The following TCEA3 variants were observed in gnomAD, a reference collection of about 807,000 sequenced individuals.
The protein encoded by TCEA3 is transcription elongation factor A protein 3.
Under a neutral mutation model 44.0 loss-of-function variants are expected in TCEA3, and 36 were observed. The observed-to-expected ratio is 0.82, with a 90% CI of 0.63 to 1.08. The LOEUF (loss-of-function observed/expected upper bound fraction) is 1.08, where lower values mean the gene tolerates loss of function less well. Ranked by LOEUF, TCEA3 falls within the 50% of genes least tolerant of loss-of-function variation. TCEA3 has a pLI of 0.00. For missense variants in TCEA3, 392 were observed against 441.2 expected (o/e 0.89, Z 1.00); for synonymous variants, 162 against 159.7 (o/e 1.01, Z -0.11).
At chr1:23,400,813 G>A (rs1639376232) in intron 5 of TCEA3, among the ~76,000 whole-genome samples, 1 of 152,140 alleles carries the variant, frequency 6.6e-6, no homozygotes, top group Non-Finnish European at 1.5e-5. Context: ...CACTCCAGGA[G>A]GCACCATTTA....
chr1:23,410,364 G>T (rs1238794211), intron 4 of TCEA3, among the ~76,000 whole-genome samples: 2 of 151,990 alleles, frequency 1.3e-5, no homozygotes, highest in South Asian at 4.1e-4. Context: ...GAAATACTCC[G>T]CAGTTATTGC....
chr1:23,407,546 C>A (rs1220606375), intron 5 of TCEA3, among the ~76,000 whole-genome samples: 2 of 152,084 alleles, frequency 1.3e-5, no homozygotes, highest in Non-Finnish European at 2.9e-5. Flanking sequence ...CTTGGAATGA[C>A]CCCAGTATCT....
intron 3 of TCEA3, 139 bp downstream of exon 3, chr1:23,417,765 C>T: frequency 1.3e-6 from 1 of 769,798 alleles, no homozygotes; most frequent in Non-Finnish European, 2.1e-6. Flanking sequence ...CCACTAGCTA[C>T]CTCCCGGATC....
intron 5 of TCEA3, among the ~76,000 whole-genome samples, chr1:23,408,214 G>A (rs1460586386): frequency 1.3e-5 from 2 of 152,012 alleles, no homozygotes; most frequent in South Asian, 2.1e-4. Context: ...CGCCTGCCTC[G>A]GCCTTCCAAA....
intron 7 of TCEA3, among the ~76,000 whole-genome samples, chr1:23,396,601 T>C (rs1186804057): frequency 1.3e-5 from 2 of 152,034 alleles, no homozygotes; most frequent in African/African-American, 4.8e-5. Flanking sequence ...TCCTCATCTG[T>C]AAAATGGGAA....
chr1:23,384,520 T>C (rs1047150487), intron 9 of TCEA3, 103 bp from the exon 10 acceptor site: 1 of 1,213,628 alleles, frequency 8.2e-7, no homozygotes, highest in African/African-American at 1.5e-5. Context: ...AGGTTGGCAC[T>C]GAGATTCCCA....
chr1:23,389,304 A>G (rs1253226446), intron 8 of TCEA3, among the ~76,000 whole-genome samples: 6 of 152,138 alleles, frequency 3.9e-5, no homozygotes, highest in African/African-American at 1.4e-4. Context: ...CCAGGTCAAC[A>G]TGGTGAAACC....
rs71023208 is a variant in TCEA3, at chr1:23,389,487, CA to C, written c.820-2069del. ...CTGGGCAACAACAGCGAGATTCCAT[CA>C]AAAAAAAAAAAAAAGCCAGGCATTG... On this transcript the variant is annotated intron_variant, in intron 8 of 10. Coordinates refer to ENST00000450454, the MANE Select transcript of TCEA3 (RefSeq NM_003196.3). 1.9e-3 allele frequency among the ~76,000 whole-genome samples: 265 copies of C among 141,334 alleles called. 1 individual carries two copies. The highest frequency in any genetic ancestry group is 8.2e-3 in the East Asian group (40 of 4,904). The allele number at this position is 141,334 out of a possible 152,430, so 92.7% of individuals were successfully genotyped here.
intron 1 of TCEA3, among the ~76,000 whole-genome samples, chr1:23,420,871 C>A (rs1640043533): frequency 1.3e-5 from 2 of 152,182 alleles, no homozygotes; most frequent in African/African-American, 2.4e-5. Context: ...TTTCCCCCAG[C>A]CCCTTCCTAG....
intron 7 of TCEA3, among the ~76,000 whole-genome samples, chr1:23,395,101 G>T (rs554628590): frequency 2.1e-4 from 32 of 152,370 alleles, no homozygotes; most frequent in Non-Finnish European, 4.3e-4. Context: ...GGTGGGAGGG[G>T]AGGTGGTATT....
At chr1:23,421,965 G>C (rs1229483402) in intron 1 of TCEA3, among the ~76,000 whole-genome samples, 15 of 152,132 alleles carry the variant, frequency 9.9e-5, no homozygotes, top group Admixed American at 9.8e-4. Flanking sequence ...ATTGTAGCTG[G>C]ATAAACAAAG....
chr1:23,408,807 G>A, intron 4 of TCEA3, 81 bp from the exon 5 acceptor site: 1 of 1,373,894 alleles, frequency 7.3e-7, no homozygotes, highest in Non-Finnish European at 1.0e-6. Context: ...AAGCATCCTG[G>A]GAAAAGGCCA....
intron 4 of TCEA3, among the ~76,000 whole-genome samples, chr1:23,414,336 C>T (rs1310217833): frequency 2.6e-5 from 4 of 151,562 alleles, no homozygotes; most frequent in Non-Finnish European, 5.9e-5. Flanking sequence ...ATGATCTGCC[C>T]GCCTCAGCCT....
rs371704043 is a variant in TCEA3 at position 23,394,003 on chromosome 1, A to G, written c.695T>C (p.Met232Thr). ...GCTGCGCACGCGGTTCCGGTACTTC[A>G]TGTCCGTGCTCTTGAGCTCTTGGTA... The part of the protein sequence containing the change: ...HIYQELKSTD[M>T]KYRNRVRSRI... Residue 232 changes from methionine (M) to threonine (T), a missense_variant, in exon 8 of 11, where the codon ATG becomes ACG. By Grantham distance (81) the Met-to-Thr change is moderately conservative. Coordinates refer to ENST00000450454, the MANE Select transcript of TCEA3 (RefSeq NM_003196.3). 5.5e-5 allele frequency: 89 copies of G among 1,613,868 alleles called. No homozygotes were observed. The highest frequency in any genetic ancestry group is 6.7e-5 in the Non-Finnish European group (79 of 1,179,890).
chr1:23,414,989 CTT>C (rs1639844579), intron 4 of TCEA3, among the ~76,000 whole-genome samples: 1 of 147,142 alleles, frequency 6.8e-6, no homozygotes, highest in Admixed American at 6.8e-5. Context: ...TCATACAGGC[CTT>C]TAAAAGAAAT....
chr1:23,422,017 A>G (rs1640079342), intron 1 of TCEA3, among the ~76,000 whole-genome samples: 1 of 152,158 alleles, frequency 6.6e-6, no homozygotes, highest in African/African-American at 2.4e-5. Flanking sequence ...TGAACATACA[A>G]ATGGGTTCTG....
At chr1:23,383,336 C>A in intron 10 of TCEA3, 1 of 797,844 alleles carries the variant, frequency 1.3e-6, no homozygotes, top group Non-Finnish European at 1.5e-6. Flanking sequence ...CATCGGCTTT[C>A]AGTGCTCCAA....
At chr1:23,382,311 A>G (rs1010548041) in intron 10 of TCEA3, among the ~76,000 whole-genome samples, 2 of 152,200 alleles carry the variant, frequency 1.3e-5, no homozygotes, top group African/African-American at 4.8e-5. Context: ...AAGTGCTGGA[A>G]TTACAGGCAC....
At position 23,417,304 on chromosome 1, in the gene TCEA3, T is replaced by A. The variant is rs777864047; in HGVS notation, c.325A>T (p.Lys109Ter). The A allele has an allele frequency of 1.9e-6, 3 of 1,614,058 alleles. No homozygotes were observed. The highest frequency in any genetic ancestry group is 2.5e-6 in the Non-Finnish European group (3 of 1,179,902). The change falls in exon 4 of 11, where the codon AAG becomes TAG. Residue 109 changes from lysine (K) to a stop codon, truncating the protein, a stop_gained. Transcript: ENST00000450454. LOFTEE classifies it high-confidence loss of function. Reference protein sequence around the residue: ...KEKGLECSDWKPEAGLSPPRK... With the variant: ...KEKGLECSDW ...GGTGGAGAAAGGCCTGCTTCTGGCT[T>A]CCAGTCTGAACACTCAAGCCCTTTT...
Sources: allele counts gnomAD v4.1 joint callset (sites outside exome capture counted in the v4.1 genomes callset), GRCh38; gene constraint gnomAD v4.1.1; transcripts MANE v1.5; gene names NCBI Gene and HGNC (gene_info 2026-07-23, HGNC 2026-07-21).